Variants in IL1RAP observed in about 807,000 individuals in gnomAD.
The protein encoded by IL1RAP is interleukin-1 receptor accessory protein.
A neutral mutation model predicts 60.7 loss-of-function variants in IL1RAP; 35 were observed. The observed-to-expected ratio is 0.58, with a 90% CI of 0.44 to 0.76. IL1RAP has a LOEUF of 0.76. Among genes scored for constraint, IL1RAP ranks in the 30% least tolerant of loss-of-function variants. The pLI, the probability that IL1RAP is intolerant of heterozygous loss-of-function variation, is 0.00. For synonymous variants in IL1RAP, 268 were observed against 250.9 expected (o/e 1.07, Z -0.64); for missense variants, 572 against 693.9 (o/e 0.82, Z 1.97).
exon 12 of IL1RAP, chr3:190,657,690 C>G (rs1442493184): frequency 6.6e-6 from 1 of 152,180 alleles, no homozygotes; most frequent in Non-Finnish European, 1.5e-5. Context: ...ATATAAGGCA[C>G]ATGGCATTTG....
chr3:190,555,934 A>G (rs1221948071), intron 1 of IL1RAP, 196 bp from the exon 2 acceptor site: 2 of 138,688 alleles, frequency 1.4e-5, no homozygotes, highest in African/African-American at 5.1e-5. Flanking sequence ...CTGTCTATCT[A>G]TCTATCTATC....
At chr3:190,588,370 CCA>C (rs1390012532) in intron 3 of IL1RAP, among the ~76,000 whole-genome samples, 3 of 152,230 alleles carry the variant, frequency 2.0e-5, no homozygotes, top group Non-Finnish European at 4.4e-5. Flanking sequence ...CCTGGGCCTC[CCA>C]AAGTGCTGGG....
At chr3:190,627,032 G>A (rs1165595155) in intron 7 of IL1RAP, among the ~76,000 whole-genome samples, 1 of 152,006 alleles carries the variant, frequency 6.6e-6, no homozygotes, top group Admixed American at 6.6e-5. Flanking sequence ...CATTAAAAAT[G>A]GTCACTCTGG....
chr3:190,620,229 T>C (rs1411788952), intron 5 of IL1RAP, 46 bp from the exon 6 acceptor site: 2 of 1,069,768 alleles, frequency 1.9e-6, no homozygotes, highest in East Asian at 4.9e-5. Context: ...ATGTTTTCTA[T>C]GCATGTATCT....
chr3:190,532,456 G>T (rs1723073564), intron 1 of IL1RAP, among the ~76,000 whole-genome samples: 1 of 152,004 alleles, frequency 6.6e-6, no homozygotes, highest in East Asian at 1.9e-4. Context: ...TAGAGACGGG[G>T]TTTCACCGTG....
chr3:190,560,179 C>T (rs1725763238), intron 2 of IL1RAP, among the ~76,000 whole-genome samples: 1 of 152,140 alleles, frequency 6.6e-6, no homozygotes, highest in Admixed American at 6.5e-5. Context: ...AATGCCAGAC[C>T]TACTCAGACT....
At chr3:190,600,845 C>A (rs1428767482) in intron 3 of IL1RAP, among the ~76,000 whole-genome samples, 1 of 152,202 alleles carries the variant, frequency 6.6e-6, no homozygotes, top group Non-Finnish European at 1.5e-5. Context: ...GTTTGTTCTC[C>A]AGTTCTCTGC....
At chr3:190,541,083 G>A (rs1283797777) in intron 1 of IL1RAP, among the ~76,000 whole-genome samples, 1 of 151,998 alleles carries the variant, frequency 6.6e-6, no homozygotes, top group African/African-American at 2.4e-5. Flanking sequence ...GGTGCAAGTT[G>A]CCTACCAAAG....
intron 1 of IL1RAP, among the ~76,000 whole-genome samples, chr3:190,545,545 G>T (rs1030475527): frequency 1.3e-5 from 2 of 152,190 alleles, no homozygotes; most frequent in African/African-American, 4.8e-5. Context: ...TGCTGAGATT[G>T]TTGCTAAGCA....
At chr3:190,656,531 C>G (rs757692234) in exon 12 of IL1RAP, 1 of 1,537,322 alleles carries the variant, frequency 6.5e-7, no homozygotes. Context: ...TTGGAACCCC[C>G]TGCTCCCCAG....
intron 3 of IL1RAP, among the ~76,000 whole-genome samples, chr3:190,592,438 A>C (rs1729023842): frequency 6.6e-6 from 1 of 152,232 alleles, no homozygotes; most frequent in Non-Finnish European, 1.5e-5. Flanking sequence ...ACACATGATA[A>C]TTCAGGGTCT....
At chr3:190,599,126 G>A (rs374644903) in intron 3 of IL1RAP, among the ~76,000 whole-genome samples, 17 of 152,012 alleles carry the variant, frequency 1.1e-4, no homozygotes, top group African/African-American at 3.9e-4. Context: ...ATACTGGTTC[G>A]TTACCAAGCC....
intron 1 of IL1RAP, among the ~76,000 whole-genome samples, chr3:190,532,258 T>A (rs994052998): frequency 6.8e-6 from 1 of 146,536 alleles, no homozygotes; most frequent in African/African-American, 2.6e-5. Context: ...TATAATCATC[T>A]TTCTTTTTTT....
chr3:190,552,512 A>T (rs1724950113), intron 1 of IL1RAP, among the ~76,000 whole-genome samples: 1 of 152,206 alleles, frequency 6.6e-6, no homozygotes, highest in African/African-American at 2.4e-5. Context: ...AAGTCACGTG[A>T]ACTGAAAGGT....
chr3:190,628,473 A>T (rs1341628097), intron 8 of IL1RAP, among the ~76,000 whole-genome samples: 1 of 152,162 alleles, frequency 6.6e-6, no homozygotes, highest in Non-Finnish European at 1.5e-5. Context: ...CCAAATTCTC[A>T]TACCTGACAG....
chr3:190,514,476 G>A (rs768568624), intron 1 of IL1RAP, among the ~76,000 whole-genome samples: 1 of 152,006 alleles, frequency 6.6e-6, no homozygotes, highest in Admixed American at 6.6e-5. Context: ...GCTCGTTGCC[G>A]CCCCCATCCT....
chr3:190,617,514 A>C (rs1018150731), intron 5 of IL1RAP, among the ~76,000 whole-genome samples: 3 of 152,196 alleles, frequency 2.0e-5, no homozygotes, highest in Admixed American at 2.0e-4. Context: ...TAATGGGTCA[A>C]CTAGGATTGT....
chr3:190,554,008 C>A (rs1434230237), intron 1 of IL1RAP, among the ~76,000 whole-genome samples: 3 of 137,956 alleles, frequency 2.2e-5, no homozygotes, highest in African/African-American at 8.3e-5. Context: ...TTGCAGTGAG[C>A]CGAGATCCCG....
At chr3:190,515,233 C>CTTTT (rs34578850) in intron 1 of IL1RAP, among the ~76,000 whole-genome samples, 574 of 144,780 alleles carry the variant, frequency 4.0e-3, no homozygotes, top group African/African-American at 0.013. Flanking sequence ...TTCTTTCTTC[C>CTTTT]TTTTTTTTTT....
Sources: gnomAD v4.1 joint callset for allele counts (sites outside exome capture counted in the v4.1 genomes callset) on GRCh38, gnomAD v4.1.1 for gene constraint, MANE v1.5 for transcripts, NCBI Gene and HGNC (gene_info 2026-07-23, HGNC 2026-07-21) for gene names.